CRB1: variants seen among roughly 807,000 people sequenced by gnomAD.
The protein encoded by CRB1 is protein crumbs homolog 1.
In CRB1, 83 loss-of-function variants were observed where a neutral mutation model predicts 120.0. The observed-to-expected ratio is 0.69, with a 90% CI of 0.58 to 0.83. CRB1 has a LOEUF of 0.83. Ranked by LOEUF, CRB1 falls within the 40% of genes least tolerant of loss-of-function variation. The pLI, the probability that CRB1 is intolerant of heterozygous loss-of-function variation, is 0.00. For synonymous variants in CRB1, 625 were observed against 612.5 expected, an observed-to-expected ratio of 1.02 and a Z score of -0.30; for missense variants, 1,699 against 1,687.6, an observed-to-expected ratio of 1.01 and a Z score of -0.12.
At chr1:197,222,813 C>T in the CRB1 span, 1 of 1,502,906 alleles carries the variant, frequency 6.7e-7, no homozygotes, top group Non-Finnish European at 9.3e-7. Flanking sequence ...TTGTCATAAG[C>T]ATCTAGCCAA....
the CRB1 span, among the ~76,000 whole-genome samples, chr1:197,210,968 A>G: frequency 5.3e-5 from 8 of 152,326 alleles, no homozygotes; most frequent in South Asian, 8.3e-4. Flanking sequence ...AATAGAATAT[A>G]TATTGAACAA....
At chr1:197,365,862 G>A (rs998498290) in intron 5 of CRB1, among the ~76,000 whole-genome samples, 25 of 151,806 alleles carry the variant, frequency 1.6e-4, no homozygotes, top group African/African-American at 5.6e-4. Context: ...TTAGTCCTGG[G>A]GCGTCTAACC....
At chr1:197,247,517 A>G in the CRB1 span, among the ~76,000 whole-genome samples, 71 of 152,188 alleles carry the variant, frequency 4.7e-4, no homozygotes, top group African/African-American at 1.7e-3. Context: ...TTATAAATAC[A>G]GACAGATTTC....
intron 5 of CRB1, among the ~76,000 whole-genome samples, chr1:197,389,370 AG>A (rs1258859369): frequency 2.0e-5 from 3 of 152,192 alleles, no homozygotes; most frequent in Non-Finnish European, 4.4e-5. Context: ...TTAAAAAGCA[AG>A]GACATTTTGA....
intron 5 of CRB1, among the ~76,000 whole-genome samples, chr1:197,380,608 C>T (rs1661902757): frequency 6.6e-6 from 1 of 152,128 alleles, no homozygotes; most frequent in Non-Finnish European, 1.5e-5. Context: ...TCTCATAGTG[C>T]TCTTAGTAGG....
intron 1 of CRB1, among the ~76,000 whole-genome samples, chr1:197,324,358 T>C (rs1658376190): frequency 6.6e-6 from 1 of 152,240 alleles, no homozygotes; most frequent in African/African-American, 2.4e-5. Flanking sequence ...CATGGCACTC[T>C]GCTAGTCAAT....
At chr1:197,463,561 A>G (rs970065352) in intron 11 of CRB1, among the ~76,000 whole-genome samples, 1 of 152,200 alleles carries the variant, frequency 6.6e-6, no homozygotes, top group Non-Finnish European at 1.5e-5. Context: ...ATAGTGCTCT[A>G]TCTAAGGATG....
At chr1:197,299,348 C>T (rs1656730679) in intron 1 of CRB1, among the ~76,000 whole-genome samples, 1 of 152,022 alleles carries the variant, frequency 6.6e-6, no homozygotes, top group African/African-American at 2.4e-5. Context: ...CTTACAAAGC[C>T]AACCTGACAG....
At chr1:197,442,675 A>T in intron 11 of CRB1, 1 of 614,416 alleles carries the variant, frequency 1.6e-6, no homozygotes, top group Non-Finnish European at 2.5e-6. Flanking sequence ...TAGTACAAAC[A>T]TATTATCATT....
intron 5 of CRB1, among the ~76,000 whole-genome samples, chr1:197,403,326 A>G (rs1446722199): frequency 2.0e-5 from 3 of 152,188 alleles, no homozygotes; most frequent in Non-Finnish European, 4.4e-5. Context: ...GAGGAGGCTG[A>G]CTTCATTCTC....
intron 5 of CRB1, among the ~76,000 whole-genome samples, chr1:197,374,265 A>G (rs1411529042): frequency 6.6e-6 from 1 of 152,158 alleles, no homozygotes; most frequent in Admixed American, 6.5e-5. Flanking sequence ...AAACCATACT[A>G]TCCCCCAGTT....
At chr1:197,330,296 C>T (rs1658772876) in intron 2 of CRB1, among the ~76,000 whole-genome samples, 1 of 152,126 alleles carries the variant, frequency 6.6e-6, no homozygotes. Flanking sequence ...ACTACACAAC[C>T]TCCCAGACGT....
chr1:197,396,358 T>C (rs1662771898), intron 5 of CRB1, among the ~76,000 whole-genome samples: 1 of 152,178 alleles, frequency 6.6e-6, no homozygotes, highest in African/African-American at 2.4e-5. Context: ...TCACGTTCAC[T>C]GATTGAAATA....
chr1:197,409,490 C>G (rs551933643), intron 5 of CRB1, among the ~76,000 whole-genome samples: 1 of 152,004 alleles, frequency 6.6e-6, no homozygotes, highest in Non-Finnish European at 1.5e-5. Flanking sequence ...GTCCTATGCT[C>G]TATAGATTTT....
chr1:197,282,685 A>G (rs1655592278), intron 1 of CRB1, among the ~76,000 whole-genome samples: 1 of 151,902 alleles, frequency 6.6e-6, no homozygotes. Context: ...ATATACAATT[A>G]GAATATAAGG....
chr1:197,311,107 A>G (rs1657492209), intron 1 of CRB1, among the ~76,000 whole-genome samples: 2 of 152,254 alleles, frequency 1.3e-5, no homozygotes. Context: ...TGCTTGCAGC[A>G]TTAGTCACAG....
In CRB1 at chr1:197,458,879, T is replaced by G. The variant is rs78366210; in HGVS notation, c.4005+16587T>G. ...TTAATCCCTAATTTATGTTACTGAG[T>G]AAAAGCACAGTATAAATTCACAGAA... On this transcript the variant is annotated intron_variant, in intron 11 of 11. Transcript: ENST00000367400. Among the ~76,000 whole-genome samples, 918 of 152,160 alleles carry G rather than the reference T, an allele frequency of 6.0e-3. 42 individuals carry two copies. The East Asian group carries it at 0.11, about 19-fold the overall frequency.
chr1:197,430,955 C>A (rs1022163088), intron 8 of CRB1, among the ~76,000 whole-genome samples: 1 of 151,844 alleles, frequency 6.6e-6, no homozygotes, highest in African/African-American at 2.4e-5. Context: ...AATCCCAGCA[C>A]TTTAGGAGGC....
chr1:197,397,128 T>C (rs1306205253), intron 5 of CRB1, among the ~76,000 whole-genome samples: 1 of 151,968 alleles, frequency 6.6e-6, no homozygotes, highest in Non-Finnish European at 1.5e-5. Flanking sequence ...ATACAAAAAA[T>C]TTAAATAAAT....
Sources: allele counts gnomAD v4.1 joint callset (sites outside exome capture counted in the v4.1 genomes callset), GRCh38; gene constraint gnomAD v4.1.1; transcripts MANE v1.5; gene names NCBI Gene and HGNC (gene_info 2026-07-23, HGNC 2026-07-21).